Variants in LRBA observed in about 807,000 individuals in gnomAD.
LRBA encodes the protein lipopolysaccharide-responsive and beige-like anchor protein.
LRBA carries 176 observed loss-of-function variants against 330.0 expected under a neutral mutation model. That is an observed-to-expected ratio of 0.53 (90% CI 0.47 to 0.60). The LOEUF is 0.60. Ranked by LOEUF, LRBA falls within the 20% of genes least tolerant of loss-of-function variation. LRBA has a pLI of 0.00. For synonymous variants in LRBA, 1,230 were observed against 1,193.0 expected (o/e 1.03, Z -0.64); for missense variants, 3,259 against 3,444.8 (o/e 0.95, Z 1.35).
At chr4:150,802,980 C>T (rs1184401895) in intron 33 of LRBA, among the ~76,000 whole-genome samples, 1 of 147,826 alleles carries the variant, frequency 6.8e-6, no homozygotes, top group African/African-American at 2.5e-5. Context: ...CAAGATCGCA[C>T]CACTGCACTC....
Position 150,735,272 on chromosome 4 carries a change from G to A in LRBA, c.5740C>T (p.His1914Tyr). Residue 1914 changes from histidine (H) to tyrosine (Y), a missense_variant, in exon 36 of 57, where the codon CAT becomes TAT. By Grantham distance (83) the His-to-Tyr change is moderately conservative. Coordinates refer to ENST00000651943, the MANE Select transcript of LRBA (RefSeq NM_001364905.1). ...GTGTAACCTACCTCAAATTCCGCAT[G>A]TCTGTGAATATCTTCTGCTCTCTGC... is the stretch of plus-strand genomic sequence containing the variant. ...SRQRAEDIHRHAEFESLCAQY... is the reference protein window; with the variant it reads ...SRQRAEDIHRYAEFESLCAQY... 1.2e-6 allele frequency: 2 copies of A among 1,612,906 alleles called. No homozygotes were observed. Among genetic ancestry groups the A allele is most frequent in the South Asian group, 1.1e-5 (1 of 91,046 alleles).
intron 40 of LRBA, among the ~76,000 whole-genome samples, chr4:150,551,497 A>G (rs143277131): frequency 9.5e-4 from 144 of 152,040 alleles, no homozygotes; most frequent in Middle Eastern, 3.4e-3. Flanking sequence ...TGGGCAACAT[A>G]GTGAAATCCT....
chr4:150,990,573 A>T (rs1399899554), intron 2 of LRBA, among the ~76,000 whole-genome samples: 1 of 152,146 alleles, frequency 6.6e-6, no homozygotes, highest in Non-Finnish European at 1.5e-5. Context: ...ACAAAAAAAA[A>T]CAAAACAAAA....
chr4:150,508,160 G>A (rs931705400), intron 40 of LRBA, among the ~76,000 whole-genome samples: 3 of 133,506 alleles, frequency 2.2e-5, no homozygotes, highest in African/African-American at 8.4e-5. Context: ...ACACCAACAT[G>A]GCACATGTAT....
intron 37 of LRBA, among the ~76,000 whole-genome samples, chr4:150,646,593 T>A (rs1369330641): frequency 2.0e-5 from 3 of 152,148 alleles, no homozygotes; most frequent in African/African-American, 7.2e-5. Flanking sequence ...TTTGGGAAGG[T>A]AAGGTTGATC....
intron 2 of LRBA, among the ~76,000 whole-genome samples, chr4:150,963,305 C>T (rs1189031427): frequency 6.7e-6 from 1 of 149,200 alleles, no homozygotes; most frequent in Non-Finnish European, 1.5e-5. Context: ...CCTGCCTCAG[C>T]CTGCCGAGTG....
At chr4:150,409,822 G>A (rs992263087) in intron 47 of LRBA, among the ~76,000 whole-genome samples, 1 of 151,748 alleles carries the variant, frequency 6.6e-6, no homozygotes, top group Non-Finnish European at 1.5e-5. Context: ...TACATATCAC[G>A]GCTAAAAGCA....
chr4:150,780,411 T>C (rs939565196), intron 34 of LRBA, among the ~76,000 whole-genome samples: 6 of 151,986 alleles, frequency 3.9e-5, no homozygotes, highest in African/African-American at 1.4e-4. Context: ...AATTTAAACA[T>C]ATATTAGCAA....
intron 29 of LRBA, among the ~76,000 whole-genome samples, chr4:150,829,341 C>T (rs543495089): frequency 1.3e-5 from 2 of 152,240 alleles, no homozygotes; most frequent in African/African-American, 2.4e-5. Flanking sequence ...TTCAATGATC[C>T]TTAAAATCCA....
In LRBA at chr4:150,754,630, G is replaced by A. The variant is rs1023344449; in HGVS notation, c.5645+7153C>T. Among the ~76,000 whole-genome samples the A allele has an allele frequency of 2.6e-5, 4 of 151,162 alleles. No homozygotes were observed. The East Asian group carries it at 7.8e-4, about 29-fold the overall frequency. On this transcript the variant is annotated intron_variant, in intron 35 of 56. Coordinates refer to ENST00000651943, the MANE Select transcript of LRBA (RefSeq NM_001364905.1). Reference sequence around the variant, plus strand: ...AAAATAGCATCATTTCCAAACAACTGTTTACAAGATGTAATTAAGCAGAGC... The same window carrying A: ...AAAATAGCATCATTTCCAAACAACTATTTACAAGATGTAATTAAGCAGAGC...
At chr4:150,296,465 G>GA (rs1312529517) in intron 53 of LRBA, among the ~76,000 whole-genome samples, 2 of 151,824 alleles carry the variant, frequency 1.3e-5, no homozygotes, top group African/African-American at 4.8e-5. Context: ...ACTTGAATGT[G>GA]AAAAAAATTA....
chr4:150,360,003 T>C (rs958364834), intron 47 of LRBA, among the ~76,000 whole-genome samples: 1 of 150,276 alleles, frequency 6.7e-6, no homozygotes, highest in African/African-American at 2.4e-5. Context: ...AAAAAGAAAA[T>C]ATGCTCATGT....
At chr4:150,571,702 T>C (rs1196533401) in intron 40 of LRBA, among the ~76,000 whole-genome samples, 1 of 120,122 alleles carries the variant, frequency 8.3e-6, no homozygotes. Flanking sequence ...ACTGGACAAA[T>C]GAAAGTGATT....
chr4:150,494,839 A>T (rs543782791), intron 40 of LRBA, among the ~76,000 whole-genome samples: 2 of 152,266 alleles, frequency 1.3e-5, no homozygotes, highest in East Asian at 3.9e-4. Flanking sequence ...ATAAAAAAAT[A>T]AATAAATAAA....
rs560553314 is a variant in LRBA at position 150,867,447 on chromosome 4, T to C, written c.2766+224A>G. Among the ~76,000 whole-genome samples, 1,094 of 152,340 alleles carry C rather than the reference T, an allele frequency of 7.2e-3. 11 individuals carry two copies. Among genetic ancestry groups the C allele is most frequent in the Middle Eastern group, 0.02 (6 of 294 alleles). ...GGCAATAGATTTACCATTATAAAGA[T>C]AAGTACATGTAAAAACAACATTAGA... On this transcript the variant is annotated intron_variant, in intron 22 of 56. Transcript: ENST00000651943.
At chr4:150,326,258 T>C (rs2292206) in intron 48 of LRBA, among the ~76,000 whole-genome samples, 92,858 of 151,898 alleles carry the variant, frequency 0.61, 28,917 homozygotes, top group Non-Finnish European at 0.68. Context: ...TTTACAGGTA[T>C]AGAGAAAAAC....
chr4:150,807,635 T>TTGTTGC (rs1208142291), intron 32 of LRBA, among the ~76,000 whole-genome samples: 2 of 17,330 alleles, frequency 1.2e-4, no homozygotes, highest in African/African-American at 7.1e-5. Context: ...CATTTTGTTG[T>TTGTTGC]TGTTGTTGTT....
chr4:150,747,000 A>T (rs953863447), intron 35 of LRBA, among the ~76,000 whole-genome samples: 1 of 152,190 alleles, frequency 6.6e-6, no homozygotes, highest in Admixed American at 6.6e-5. Flanking sequence ...ATTGTTGACA[A>T]GGTATCAGCC....
intron 13 of LRBA, among the ~76,000 whole-genome samples, chr4:150,903,109 T>A (rs1361704932): frequency 2.8e-4 from 43 of 152,292 alleles, no homozygotes; most frequent in Non-Finnish European, 2.9e-5. Context: ...GCGTTGGGCA[T>A]GGTAGCTCAA....
Sources: gnomAD v4.1 joint callset for allele counts (sites outside exome capture counted in the v4.1 genomes callset) on GRCh38, gnomAD v4.1.1 for gene constraint, MANE v1.5 for transcripts, NCBI Gene and HGNC (gene_info 2026-07-23, HGNC 2026-07-21) for gene names.